The following ZFAT variants were observed in gnomAD, a reference collection of about 807,000 sequenced individuals.
The protein encoded by ZFAT is zinc finger and AT-hook domain containing.
Under a neutral mutation model 117.7 loss-of-function variants are expected in ZFAT, and 64 were observed. The observed-to-expected ratio is 0.54, with a 90% CI of 0.44 to 0.67. The LOEUF (loss-of-function observed/expected upper bound fraction) is 0.67, where lower values mean the gene tolerates loss of function less well. ZFAT is among the 30% of genes least tolerant of loss of function. ZFAT has a pLI of 0.00. For synonymous variants in ZFAT, 679 were observed against 615.0 expected (o/e 1.10, Z -1.54); for missense variants, 1,433 against 1,584.5 (o/e 0.90, Z 1.62).
intron 1 of ZFAT, among the ~76,000 whole-genome samples, chr8:134,712,167 T>C (rs754335386): frequency 1.1e-4 from 16 of 152,332 alleles, no homozygotes; most frequent in Non-Finnish European, 2.2e-4. Context: ...TGGAGGAAGT[T>C]AATTTTTAAA....
intron 2 of ZFAT, among the ~76,000 whole-genome samples, chr8:134,656,645 G>C (rs1351174284): frequency 6.6e-6 from 1 of 152,178 alleles, no homozygotes; most frequent in Non-Finnish European, 1.5e-5. Context: ...TGAATAGCCA[G>C]CCTATTTAGA....
chr8:134,624,180 G>GCACATGCACA (rs1829328280), intron 3 of ZFAT, among the ~76,000 whole-genome samples: 1 of 146,192 alleles, frequency 6.8e-6, no homozygotes, highest in Non-Finnish European at 1.5e-5. Context: ...ATGTGCACAT[G>GCACATGCACA]CACACACACA....
At chr8:134,756,913 A>G in the ZFAT span, among the ~76,000 whole-genome samples, 169 of 151,906 alleles carry the variant, frequency 1.1e-3, no homozygotes, top group African/African-American at 3.8e-3. Flanking sequence ...TATGGCAGAT[A>G]GGAATGCTGT....
intron 7 of ZFAT, 80 bp downstream of exon 7, chr8:134,600,356 A>G (rs1827316830): frequency 8.0e-7 from 1 of 1,255,770 alleles, no homozygotes; most frequent in African/African-American, 1.5e-5. Context: ...TGCAGCAGAG[A>G]CACCTACATA....
At chr8:134,584,277 C>T (rs1274107508) in intron 9 of ZFAT, among the ~76,000 whole-genome samples, 1 of 152,124 alleles carries the variant, frequency 6.6e-6, no homozygotes, top group African/African-American at 2.4e-5. Context: ...CTGACCTTCC[C>T]TGGTAGATTT....
intron 15 of ZFAT, among the ~76,000 whole-genome samples, chr8:134,481,583 T>G (rs28625831): frequency 0.079 from 11,972 of 152,168 alleles, 811 homozygotes; most frequent in African/African-American, 0.18. Flanking sequence ...GTGGCTGAAA[T>G]CACTGCCAAG....
At chr8:134,745,419 G>T in the ZFAT span, among the ~76,000 whole-genome samples, 2 of 152,186 alleles carry the variant, frequency 1.3e-5, no homozygotes, top group Admixed American at 6.5e-5. Context: ...GAAAGGTTCT[G>T]CCCTGAGTCT....
At chr8:134,749,267 T>C in the ZFAT span, among the ~76,000 whole-genome samples, 106 of 152,348 alleles carry the variant, frequency 7.0e-4, 1 homozygote, top group East Asian at 0.019. Flanking sequence ...ATTTAGCCTT[T>C]CACAGTAGAT....
At chr8:134,801,929 G>T in the ZFAT span, among the ~76,000 whole-genome samples, 3 of 152,130 alleles carry the variant, frequency 2.0e-5, no homozygotes, top group Admixed American at 1.3e-4. Flanking sequence ...TGGGAACTGT[G>T]GGGGGAAAAG....
intron 15 of ZFAT, among the ~76,000 whole-genome samples, chr8:134,503,045 A>G (rs1389349861): frequency 6.6e-6 from 1 of 152,218 alleles, no homozygotes; most frequent in Non-Finnish European, 1.5e-5. Context: ...GCTGCAGGGG[A>G]AATGCCTGAT....
intron 12 of ZFAT, among the ~76,000 whole-genome samples, chr8:134,526,116 C>A (rs1821009078): frequency 6.6e-6 from 1 of 152,110 alleles, no homozygotes; most frequent in African/African-American, 2.4e-5. Context: ...TGAACAAAGG[C>A]AAACTTTTAA....
chr8:134,658,268 T>C (rs1180964524), intron 1 of ZFAT, among the ~76,000 whole-genome samples: 1 of 140,128 alleles, frequency 7.1e-6, no homozygotes, highest in African/African-American at 2.8e-5. Flanking sequence ...ACCCGGGAGG[T>C]GAAGCTTGCA....
chr8:134,646,391 T>C (rs1830896733), intron 2 of ZFAT, among the ~76,000 whole-genome samples: 1 of 151,682 alleles, frequency 6.6e-6, no homozygotes, highest in South Asian at 2.1e-4. Context: ...AAACACAACA[T>C]ACCAAAACTT....
At chr8:134,599,704 G>A (rs1827256956) in intron 7 of ZFAT, 2 of 440,070 alleles carry the variant, frequency 4.5e-6, no homozygotes, top group African/African-American at 4.1e-5. Context: ...AGCATAAAAA[G>A]GCATTCAATT....
intron 1 of ZFAT, chr8:134,696,479 C>T (rs570516793): frequency 2.1e-5 from 21 of 985,658 alleles, no homozygotes; most frequent in African/African-American, 7.0e-5. Flanking sequence ...TGGGCGCCTC[C>T]GCCGCTTCCC....
intron 11 of ZFAT, among the ~76,000 whole-genome samples, chr8:134,533,341 A>C (rs1821576249): frequency 6.6e-6 from 1 of 152,214 alleles, no homozygotes; most frequent in African/African-American, 2.4e-5. Context: ...CTCTCATTAC[A>C]ATTGGTTCCC....
intron 11 of ZFAT, among the ~76,000 whole-genome samples, chr8:134,550,325 A>AAAAAAAAAAACAAC (rs1554643709): frequency 4.6e-5 from 7 of 150,630 alleles, no homozygotes; most frequent in African/African-American, 1.7e-4. Flanking sequence ...AAAAAAAAAA[A>AAAAAAAAAAACAAC]AAAAAAACAG....
intron 11 of ZFAT, among the ~76,000 whole-genome samples, chr8:134,537,420 A>C (rs1821921746): frequency 1.3e-5 from 2 of 152,232 alleles, no homozygotes; most frequent in African/African-American, 2.4e-5. Flanking sequence ...CCTGGACATA[A>C]GGTGGCCCAG....
At chr8:134,742,549 C>A in the ZFAT span, among the ~76,000 whole-genome samples, 1 of 152,314 alleles carries the variant, frequency 6.6e-6, no homozygotes, top group South Asian at 2.1e-4. Flanking sequence ...TGATCAGATT[C>A]CTGAGCACAG....
Sources: gnomAD v4.1 joint callset for allele counts (sites outside exome capture counted in the v4.1 genomes callset) on GRCh38, gnomAD v4.1.1 for gene constraint, MANE v1.5 for transcripts, NCBI Gene and HGNC (gene_info 2026-07-23, HGNC 2026-07-21) for gene names.